Variants in NPAS3 observed in about 807,000 individuals in gnomAD.
NPAS3 encodes the protein neuronal PAS domain protein 3, also known as neuronal PAS domain-containing protein 3.
In NPAS3, 14 loss-of-function variants were observed where a neutral mutation model predicts 73.1. The ratio of observed to expected loss-of-function variants is 0.19; its 90% CI spans 0.13 to 0.30. The LOEUF (loss-of-function observed/expected upper bound fraction) is 0.30, where lower values mean the gene tolerates loss of function less well. Ranked by LOEUF, NPAS3 falls within the 10% of genes least tolerant of loss-of-function variation. The pLI is 1.00. For synonymous variants in NPAS3, 620 were observed against 541.5 expected, an observed-to-expected ratio of 1.14 and a Z score of -2.01; for missense variants, 1,096 against 1,250.0, an observed-to-expected ratio of 0.88 and a Z score of 1.86.
intron 5 of NPAS3, among the ~76,000 whole-genome samples, chr14:33,615,251 G>A (rs1019084416): frequency 2.6e-5 from 4 of 152,160 alleles, no homozygotes; most frequent in Non-Finnish European, 2.9e-5. Context: ...GTAGGCAACA[G>A]GAAGTCACTG....
chr14:33,106,145 A>G (rs2042716616), intron 2 of NPAS3, among the ~76,000 whole-genome samples: 1 of 152,170 alleles, frequency 6.6e-6, no homozygotes, highest in Non-Finnish European at 1.5e-5. Context: ...CTTTATACTA[A>G]TAAACCACAA....
At chr14:33,667,267 T>A (rs2059478970) in intron 5 of NPAS3, among the ~76,000 whole-genome samples, 1 of 152,136 alleles carries the variant, frequency 6.6e-6, no homozygotes, top group Non-Finnish European at 1.5e-5. Flanking sequence ...GCAGCATAGC[T>A]CTAGAGACTA....
intron 4 of NPAS3, among the ~76,000 whole-genome samples, chr14:33,481,570 G>A (rs2051325961): frequency 6.6e-6 from 1 of 152,046 alleles, no homozygotes; most frequent in Non-Finnish European, 1.5e-5. Context: ...TACTGACATG[G>A]ATTTGAATAG....
chr14:33,202,944 T>G (rs573000992), intron 2 of NPAS3, among the ~76,000 whole-genome samples: 3 of 152,348 alleles, frequency 2.0e-5, no homozygotes, highest in African/African-American at 7.2e-5. Flanking sequence ...AAGAAAAGTC[T>G]TTTTCTGACA....
chr14:32,997,016 C>G (rs1421945549), intron 1 of NPAS3, among the ~76,000 whole-genome samples: 2 of 152,212 alleles, frequency 1.3e-5, no homozygotes, highest in African/African-American at 2.4e-5. Flanking sequence ...TGCAAAGCAA[C>G]AGGGGTGGAG....
At chr14:33,475,845 C>T (rs1468733156) in intron 4 of NPAS3, among the ~76,000 whole-genome samples, 5 of 152,128 alleles carry the variant, frequency 3.3e-5, no homozygotes, top group Non-Finnish European at 7.4e-5. Flanking sequence ...TGGCATTCAG[C>T]CACCAGAGGG....
intron 5 of NPAS3, among the ~76,000 whole-genome samples, chr14:33,606,068 T>A (rs1338622591): frequency 7.2e-6 from 1 of 138,698 alleles, no homozygotes; most frequent in Non-Finnish European, 1.5e-5. Context: ...CAGCTGACTT[T>A]CTTTTATTAT....
chr14:32,960,589 A>G (rs915349098), intron 1 of NPAS3, among the ~76,000 whole-genome samples: 2 of 152,206 alleles, frequency 1.3e-5, no homozygotes, highest in Non-Finnish European at 2.9e-5. Context: ...ATTCAGAAGT[A>G]ATAAAAATGG....
intron 1 of NPAS3, among the ~76,000 whole-genome samples, chr14:32,990,796 G>A (rs1395724982): frequency 3.3e-5 from 5 of 151,988 alleles, no homozygotes; most frequent in Admixed American, 6.5e-5. Context: ...GCATGGTAGC[G>A]CACGCCGGTA....
chr14:33,740,458 A>G (rs992025416), intron 7 of NPAS3, among the ~76,000 whole-genome samples: 5 of 152,194 alleles, frequency 3.3e-5, no homozygotes, highest in African/African-American at 1.2e-4. Context: ...TGTTGATTTA[A>G]TTGAATTGCA....
intron 5 of NPAS3, among the ~76,000 whole-genome samples, chr14:33,670,734 A>T (rs952267234): frequency 6.6e-6 from 1 of 151,894 alleles, no homozygotes; most frequent in African/African-American, 2.4e-5. Flanking sequence ...GCTAGATCTG[A>T]AGGCCTCACC....
At chr14:33,674,015 C>G (rs911840794) in intron 5 of NPAS3, among the ~76,000 whole-genome samples, 1 of 152,140 alleles carries the variant, frequency 6.6e-6, no homozygotes, top group East Asian at 1.9e-4. Flanking sequence ...GGTGGGAAAT[C>G]CCATGAGGCC....
chr14:32,936,752 T>TTTA (rs2035706692), upstream of NPAS3, among the ~76,000 whole-genome samples: 1 of 152,134 alleles, frequency 6.6e-6, no homozygotes, highest in African/African-American at 2.4e-5. Context: ...AGTGTTGTTA[T>TTTA]CCTTTACCAT....
At chr14:32,941,716 A>G (rs1413765288) in intron 1 of NPAS3, among the ~76,000 whole-genome samples, 1 of 152,080 alleles carries the variant, frequency 6.6e-6, no homozygotes, top group Middle Eastern at 3.2e-3. Flanking sequence ...TAAAGGTTGG[A>G]TCTGAGAAGG....
chr14:33,338,999 A>G (rs1206435376), intron 3 of NPAS3, among the ~76,000 whole-genome samples: 1 of 152,114 alleles, frequency 6.6e-6, no homozygotes, highest in Non-Finnish European at 1.5e-5. Context: ...CACCAAAGTT[A>G]TTTTGCTTAC....
At chr14:33,631,773 T>C (rs1009006611) in intron 5 of NPAS3, among the ~76,000 whole-genome samples, 3 of 152,152 alleles carry the variant, frequency 2.0e-5, no homozygotes, top group African/African-American at 7.2e-5. Flanking sequence ...CACTGATATA[T>C]TTATTGTATT....
intron 2 of NPAS3, among the ~76,000 whole-genome samples, chr14:33,107,582 C>A (rs2042762197): frequency 6.6e-6 from 1 of 152,248 alleles, no homozygotes; most frequent in African/African-American, 2.4e-5. Context: ...GCAAAAGACA[C>A]AATTTTATTC....
chr14:33,766,696 G>A (rs763472252), intron 7 of NPAS3, among the ~76,000 whole-genome samples: 4 of 152,108 alleles, frequency 2.6e-5, no homozygotes, highest in African/African-American at 4.8e-5. Flanking sequence ...TTGGTTGGAC[G>A]AACTCCCAAA....
intron 2 of NPAS3, among the ~76,000 whole-genome samples, chr14:33,171,470 C>A (rs2045386096): frequency 6.6e-6 from 1 of 152,214 alleles, no homozygotes; most frequent in Admixed American, 6.5e-5. Flanking sequence ...TCACCCTACA[C>A]TTTTATGTTA....
Sources: gnomAD v4.1 joint callset for allele counts (sites outside exome capture counted in the v4.1 genomes callset) on GRCh38, gnomAD v4.1.1 for gene constraint, MANE v1.5 for transcripts, NCBI Gene and HGNC (gene_info 2026-07-23, HGNC 2026-07-21) for gene names.